The following MTMR12 variants were observed in gnomAD, a reference collection of about 807,000 sequenced individuals.
MTMR12 encodes myotubularin related protein 12.
Under a neutral mutation model 96.7 loss-of-function variants are expected in MTMR12, and 33 were observed. The ratio of observed to expected loss-of-function variants is 0.34; its 90% confidence interval spans 0.26 to 0.46. The LOEUF (loss-of-function observed/expected upper bound fraction) is 0.46. Among genes scored for constraint, MTMR12 ranks in the 20% least tolerant of loss-of-function variants. The pLI is 1.00. For synonymous variants in MTMR12, 298 were observed against 327.2 expected (o/e 0.91, Z 0.96); for missense variants, 721 against 896.1 (o/e 0.80, Z 2.49).
intron 1 of MTMR12, among the ~76,000 whole-genome samples, chr5:32,303,052 T>A (rs911959245): frequency 1.3e-5 from 2 of 152,182 alleles, no homozygotes; most frequent in African/African-American, 4.8e-5. Context: ...GATTAATGAT[T>A]AAGCACTTTC....
chr5:32,309,291 C>G (rs1751487302), intron 1 of MTMR12, among the ~76,000 whole-genome samples: 1 of 152,172 alleles, frequency 6.6e-6, no homozygotes, highest in South Asian at 2.1e-4. Context: ...AGTTGCACTT[C>G]AACCAGGGTT....
intron 1 of MTMR12, among the ~76,000 whole-genome samples, chr5:32,311,469 C>A (rs886750449): frequency 6.6e-6 from 1 of 152,198 alleles, no homozygotes; most frequent in Non-Finnish European, 1.5e-5. Flanking sequence ...GTGGTCTTTA[C>A]GGAAGCAGTC....
At chr5:32,291,072 G>T (rs1750722174) in intron 1 of MTMR12, among the ~76,000 whole-genome samples, 1 of 152,194 alleles carries the variant, frequency 6.6e-6, no homozygotes, top group Non-Finnish European at 1.5e-5. Context: ...ACATGAGGAA[G>T]TGGCTCAAAT....
At chr5:32,267,226 A>G (rs1020230858) in intron 6 of MTMR12, among the ~76,000 whole-genome samples, 2 of 151,814 alleles carry the variant, frequency 1.3e-5, no homozygotes, top group Non-Finnish European at 2.9e-5. Context: ...AAATACAAAA[A>G]TTAGCCGGGC....
intron 7 of MTMR12, among the ~76,000 whole-genome samples, chr5:32,261,937 C>T (rs148344595): frequency 0.047 from 7,076 of 152,100 alleles, 305 homozygotes; most frequent in African/African-American, 0.11. Flanking sequence ...CCAGGCGTGG[C>T]GGCAGGTGCC....
At chr5:32,307,405 G>C (rs1324580460) in intron 1 of MTMR12, among the ~76,000 whole-genome samples, 1 of 152,072 alleles carries the variant, frequency 6.6e-6, no homozygotes, top group Non-Finnish European at 1.5e-5. Context: ...GGGCTGGGGT[G>C]GGGGTGCTGC....
intron 12 of MTMR12, among the ~76,000 whole-genome samples, chr5:32,239,886 G>A (rs1024153967): frequency 1.3e-5 from 2 of 152,160 alleles, no homozygotes; most frequent in African/African-American, 4.8e-5. Flanking sequence ...AAACTCATTT[G>A]ATGAAAAGTC....
intron 8 of MTMR12, among the ~76,000 whole-genome samples, chr5:32,249,389 AAG>A (rs1243453013): frequency 6.6e-6 from 1 of 152,108 alleles, no homozygotes; most frequent in East Asian, 1.9e-4. Context: ...GGATGGCAAA[AAG>A]GGGGCAACTC....
chr5:32,236,848 AAAAG>A (rs1227372546), intron 13 of MTMR12, among the ~76,000 whole-genome samples: 36 of 150,046 alleles, frequency 2.4e-4, no homozygotes, highest in African/African-American at 9.0e-4. Context: ...CAAAAAAAAA[AAAAG>A]AAAAGAAAAG....
intron 12 of MTMR12, among the ~76,000 whole-genome samples, chr5:32,241,377 T>C (rs1748468299): frequency 6.6e-6 from 1 of 152,222 alleles, no homozygotes; most frequent in Non-Finnish European, 1.5e-5. Flanking sequence ...AGGCTGCCCT[T>C]AGAACCCAGG....
intron 1 of MTMR12, among the ~76,000 whole-genome samples, chr5:32,284,223 C>T (rs1421673540): frequency 7.0e-6 from 1 of 143,490 alleles, no homozygotes; most frequent in African/African-American, 2.6e-5. Context: ...AAGGCTGGGG[C>T]GGGAGAATCA....
Position 32,230,181 on chromosome 5 carries a change from T to C in MTMR12, c.1841A>G (p.Asp614Gly), listed in dbSNP as rs1361139634. The C allele has an allele frequency of 1.2e-6, 2 of 1,614,182 alleles. No individual in the cohort carries two copies. Among genetic ancestry groups the C allele is most frequent in the Non-Finnish European group, 1.7e-6 (2 of 1,180,010 alleles). Residue 614 changes from aspartate (D) to glycine (G), a missense_variant, in exon 16 of 16, where the codon GAC becomes GGC. By Grantham distance (94) the Asp-to-Gly change is moderately conservative (BLOSUM62 -1). Transcript: ENST00000382142. ...GTCAGTGGACTTGCTATGCCAGCTG[T>C]CATAGAACTCTCGAAAGTTGTCTTG... ...ELQDNFREFY[D>G]SWHSKSTDYH...
intron 1 of MTMR12, among the ~76,000 whole-genome samples, chr5:32,278,882 A>C (rs796681426): frequency 1.3e-5 from 2 of 150,562 alleles, no homozygotes; most frequent in South Asian, 4.2e-4. Flanking sequence ...GTTCCAGACC[A>C]GCCTGACCAA....
Position 32,258,080 on chromosome 5 carries a change from T to C in MTMR12, c.714-2312A>G, listed in dbSNP as rs181771736. Among the ~76,000 whole-genome samples, 3 of 151,694 alleles carry C rather than the reference T, an allele frequency of 2.0e-5. No individual in the cohort carries two copies. In the East Asian group the frequency reaches 5.8e-4, roughly 29 times the overall value. On this transcript the variant is annotated intron_variant, in intron 7 of 15. Transcript: ENST00000382142. ...GGGTAGAGGTTGCAGTGAGCAGAGATCGTGCCACTGCACTCCAGCCTGGGT... is the reference window on the plus strand; with the variant it reads ...GGGTAGAGGTTGCAGTGAGCAGAGACCGTGCCACTGCACTCCAGCCTGGGT...
At chr5:32,298,733 G>A (rs1315824442) in intron 1 of MTMR12, among the ~76,000 whole-genome samples, 2 of 151,874 alleles carry the variant, frequency 1.3e-5, no homozygotes, top group Non-Finnish European at 2.9e-5. Context: ...CGGATCATGA[G>A]GTCAGGAGAT....
Position 32,281,248 on chromosome 5 carries a change from T to TAAAA in MTMR12, c.82-4510_82-4507dup, listed in dbSNP as rs72123716. ...GGGCAACAGAAGGAGACTCTATCAT[T>TAAAA]AAAAAAAAAAAAAAAACAAAAAAAA... On this transcript the variant is annotated intron_variant, in intron 1 of 15. Coordinates refer to ENST00000382142, the MANE Select transcript of MTMR12 (RefSeq NM_001040446.3). 7.4e-4 allele frequency among the ~76,000 whole-genome samples: 80 copies of TAAAA among 107,440 alleles called. 2 individuals are homozygous for TAAAA. The highest frequency in any genetic ancestry group is 1.5e-3 in the African/African-American group (43 of 28,306). The allele number at this position is 107,440 out of a possible 152,430, so 70.5% of individuals were successfully genotyped here.
chr5:32,270,760 A>T, intron 5 of MTMR12, 57 bp downstream of exon 5: 3 of 1,541,200 alleles, frequency 1.9e-6, no homozygotes. Context: ...CAAAAACTAG[A>T]GCTAGTGGGG....
intron 1 of MTMR12, among the ~76,000 whole-genome samples, chr5:32,283,441 C>A (rs549973955): frequency 1.3e-5 from 2 of 151,824 alleles, no homozygotes; most frequent in South Asian, 4.1e-4. Context: ...CTCATTTAAT[C>A]CTCACAGCAA....
chr5:32,271,853 C>A lies in MTMR12; in HGVS notation c.338G>T (p.Cys113Phe), dbSNP rs1233404046. 1 of 1,586,374 alleles carries A rather than the reference C, an allele frequency of 6.3e-7. No individual in the cohort carries two copies. The highest frequency in any genetic ancestry group is 1.3e-5 in the African/African-American group (1 of 74,162). ...CTTACCTCCATAAATCTGATCAACACAGTGGAGTGTAATGTCATTTTCTCC... is the reference window on the plus strand; with the variant it reads ...CTTACCTCCATAAATCTGATCAACAAAGTGGAGTGTAATGTCATTTTCTCC... ...VIGENDITLHCVDQIYGVFDE... is the reference protein window; with the variant it reads ...VIGENDITLHFVDQIYGVFDE... The change falls in exon 4 of 16, where the codon TGT (cysteine) becomes TTT (phenylalanine). Residue 113 changes from cysteine (C) to phenylalanine (F), a missense_variant. Transcript: ENST00000382142.
Sources: allele counts gnomAD v4.1 joint callset (sites outside exome capture counted in the v4.1 genomes callset), GRCh38; gene constraint gnomAD v4.1.1; transcripts MANE v1.5; gene names NCBI Gene and HGNC (gene_info 2026-07-23, HGNC 2026-07-21).